MAT1A: variants seen among roughly 807,000 people sequenced by gnomAD.
MAT1A encodes methionine adenosyltransferase 1A, also known as S-adenosylmethionine synthase isoform type-1.
Under a neutral mutation model 44.0 loss-of-function variants are expected in MAT1A, and 19 were observed. The observed-to-expected ratio is 0.43, with a 90% CI of 0.30 to 0.63. The LOEUF (loss-of-function observed/expected upper bound fraction) is 0.63. MAT1A is among the 30% of genes least tolerant of loss of function. The probability of loss-of-function intolerance (pLI) is 0.12; values close to 1 mark genes in which losing one functional copy is unlikely to be tolerated. For missense variants in MAT1A, 397 were observed against 531.0 expected, an observed-to-expected ratio of 0.75 and a Z score of 2.48; for synonymous variants, 205 against 205.6, an observed-to-expected ratio of 1.00 and a Z score of 0.03.
intron 3 of MAT1A, among the ~76,000 whole-genome samples, chr10:80,281,927 G>A (rs1255187952): frequency 2.6e-5 from 4 of 151,958 alleles, no homozygotes; most frequent in African/African-American, 7.3e-5. Flanking sequence ...CAAACCCCAC[G>A]TCCACTCTCA....
chr10:80,280,145 G>A (rs1370099875), intron 5 of MAT1A, 28 bp downstream of exon 5: 4 of 1,613,462 alleles, frequency 2.5e-6, no homozygotes. Context: ...TCTGTCTAGG[G>A]CTCTCCTGGG....
In MAT1A at chr10:80,284,037, C is replaced by G; in HGVS notation, c.171G>C (p.Glu57Asp). ...KQDPNAKVAC[E>D]TVCKTGMVLL... ...GCACCATGCCGGTCTTGCACACTGT[C>G]TCTGAAAGGGAGCGGGGAGCGAGGA... The change falls in exon 3 of 9, where the codon GAG becomes GAC. Residue 57 changes from glutamate (E) to aspartate (D), a missense_variant and splice_region_variant. Glu to Asp is a conservative substitution (Grantham distance 45, BLOSUM62 2). Transcript: ENST00000372213. 6.2e-7 allele frequency: 1 copy of G among 1,614,128 alleles called. No individual in the cohort carries two copies. Among genetic ancestry groups the G allele is most frequent in the Non-Finnish European group, 8.5e-7 (1 of 1,179,998 alleles).
In MAT1A at chr10:80,273,319, G is replaced by A; in HGVS notation, c.*462C>T. 1 of 252,286 alleles carries A rather than the reference G, an allele frequency of 4.0e-6. No homozygotes were observed. The highest frequency in any genetic ancestry group is 9.9e-5 in the East Asian group (1 of 10,080). The allele number at this position is 252,286 out of a possible 1,614,324, so 15.6% of individuals were successfully genotyped here. ...CTGCCACATGCCTGGCCTGGGTGGG[G>A]CTTTCTGGAGACCCTGGCTCAGGGC... On this transcript the variant is annotated 3_prime_UTR_variant, in exon 9 of 9. Coordinates refer to ENST00000372213, the MANE Select transcript of MAT1A (RefSeq NM_000429.3).
intron 3 of MAT1A, among the ~76,000 whole-genome samples, chr10:80,281,998 G>A (rs1054513698): frequency 1.3e-5 from 2 of 152,060 alleles, no homozygotes; most frequent in African/African-American, 4.8e-5. Flanking sequence ...TTACCCCAGG[G>A]CACCTCATGT....
At chr10:80,287,532 A>G (rs1321631863) in intron 1 of MAT1A, among the ~76,000 whole-genome samples, 1 of 152,218 alleles carries the variant, frequency 6.6e-6, no homozygotes, top group African/African-American at 2.4e-5. Flanking sequence ...TTAAGTATAC[A>G]AAACAATCAA....
In MAT1A at chr10:80,285,517, G is replaced by T. The variant is rs118204002; in HGVS notation, c.164C>A (p.Ala55Asp). 7.4e-6 allele frequency: 12 copies of T among 1,613,738 alleles called. No individual in the cohort carries two copies. Among genetic ancestry groups the T allele is most frequent in the Non-Finnish European group, 1.0e-5 (12 of 1,179,814 alleles). Residue 55 changes from alanine to aspartate, a missense_variant, in exon 2 of 9, where the codon GCC (alanine) becomes GAC (aspartate). Transcript: ENST00000372213. ...HLKQDPNAKV[A>D]CETVCKTGMV... is the part of the protein sequence containing the mutation. The stretch of plus-strand genomic sequence containing the variant: ...AGGGATCGGGTGTTTCTTACCACAG[G>T]CCACCTTGGCATTGGGGTCTTGCTT...
At chr10:80,277,355 C>T (rs72809557) in intron 5 of MAT1A, among the ~76,000 whole-genome samples, 3,641 of 152,268 alleles carry the variant, frequency 0.024, 52 homozygotes, top group Non-Finnish European at 0.033. Flanking sequence ...AAACTCTCTA[C>T]CTCCCCAAGG....
At position 80,275,076 on chromosome 10, in the gene MAT1A, C is replaced by T. The variant is rs1220986869; in HGVS notation, c.892G>A (p.Ala298Thr). The change falls in exon 7 of 9, where the codon GCC becomes ACC. Residue 298 changes from alanine (A) to threonine (T), a missense_variant. Coordinates refer to ENST00000372213, the MANE Select transcript of MAT1A (RefSeq NM_000429.3). Reference protein sequence around the residue: ...TKVDRSAAYAARWVAKSLVKA... With the variant: ...TKVDRSAAYATRWVAKSLVKA... The stretch of plus-strand genomic sequence containing the variant: ...ACCAGAGACTTGGCCACCCAGCGGG[C>T]AGCATATGCAGCTGAGCGGTCTACC... 2 of 1,582,226 alleles carry T rather than the reference C, an allele frequency of 1.3e-6. No individual in the cohort carries two copies. Among genetic ancestry groups the T allele is most frequent in the Non-Finnish European group, 1.7e-6 (2 of 1,164,612 alleles).
At chr10:80,274,762 C>A in intron 7 of MAT1A, 109 bp from the exon 8 acceptor site, 2 of 1,447,154 alleles carry the variant, frequency 1.4e-6, no homozygotes, top group South Asian at 1.2e-5. Context: ...ATGCCTCTTG[C>A]CCCACATGCT....
chr10:80,288,533 C>G (rs1841678427), intron 1 of MAT1A, among the ~76,000 whole-genome samples: 1 of 152,216 alleles, frequency 6.6e-6, no homozygotes, highest in African/African-American at 2.4e-5. Context: ...ACATCACAGT[C>G]TACCTACTTT....
Position 80,285,690 on chromosome 10 carries a change from C to T in MAT1A, c.92-101G>A. 3.8e-6 allele frequency: 3 copies of T among 793,754 alleles called. No homozygotes were observed. In the South Asian group the frequency reaches 4.3e-5, roughly 11 times the overall value. The allele number at this position is 793,754 out of a possible 1,614,324, so 49.2% of individuals were successfully genotyped here. ...ATCGACTTTTCAGTTTACATATCAA[C>T]TTATCTACCAGAGGGAAAACACTTT... On this transcript the variant is annotated intron_variant, in intron 1 of 8. Coordinates refer to ENST00000372213, the MANE Select transcript of MAT1A (RefSeq NM_000429.3).
intron 7 of MAT1A, 145 bp downstream of exon 7, chr10:80,274,872 G>A (rs1841461912): frequency 1.6e-6 from 2 of 1,236,626 alleles, no homozygotes; most frequent in South Asian, 2.7e-5. Context: ...TCAGAGCCCT[G>A]GCCACAGTGC....
rs1350523443 is a variant in MAT1A, at chr10:80,272,814, C to A, written c.*967G>T. 1 of 152,272 alleles carries A rather than the reference C, an allele frequency of 6.6e-6. No individual in the cohort carries two copies. The highest frequency in any genetic ancestry group is 1.5e-5 in the Non-Finnish European group (1 of 68,062). 9.4% of individuals were successfully genotyped at this position (152,272 alleles called of 1,614,324 possible). On this transcript the variant is annotated 3_prime_UTR_variant, in exon 9 of 9. Transcript: ENST00000372213. ...GGTCAGTCCCTAACTCCAGCCTACC[C>A]TGATGGGCCAGGTAAGCCAACTCAC...
In MAT1A at chr10:80,273,761, A is replaced by G; in HGVS notation, c.*20T>C. On this transcript the variant is annotated 3_prime_UTR_variant, in exon 9 of 9. Transcript: ENST00000372213. ...CACCAGGTGCCTCCAGGGTGAGACC[A>G]GGCCCAGCTCCCCCTGGCTCTAAAA... The G allele has an allele frequency of 3.2e-6, 5 of 1,568,742 alleles. No homozygotes were observed. Among genetic ancestry groups the G allele is most frequent in the Non-Finnish European group, 4.4e-6 (5 of 1,140,170 alleles).
Position 80,277,045 on chromosome 10 carries a change from G to A in MAT1A, c.550-451C>T, listed in dbSNP as rs117138970. On this transcript the variant is annotated intron_variant, in intron 5 of 8. Transcript: ENST00000372213. ...ATGTCTTGGTCAAGATCACACAGTC[G>A]GAAGAGCTGGGATCTGACCTGGAGC... is the stretch of plus-strand genomic sequence containing the variant. Among the ~76,000 whole-genome samples, 579 of 152,320 alleles carry A rather than the reference G, an allele frequency of 3.8e-3. 3 individuals are homozygous for A. Among genetic ancestry groups the A allele is most frequent in the Non-Finnish European group, 6.1e-3 (415 of 68,026 alleles).
Position 80,289,517 on chromosome 10 carries a change from C to A in MAT1A, c.-94G>T. The A allele has an allele frequency of 1.9e-6, 1 of 517,026 alleles. No homozygotes were observed. 32.0% of individuals were successfully genotyped at this position (517,026 alleles called of 1,614,324 possible). A position where few individuals can be genotyped will look rare whatever the true frequency, so the allele number is the denominator to read the frequency against. ...TTTTTTCTTCTTCTTCTTCTTCTTT[C>A]AACCCAACAGGCTTGTCTTTGGCAG... On this transcript the variant is annotated 5_prime_UTR_variant, in exon 1 of 9. Transcript: ENST00000372213.
In MAT1A at chr10:80,273,970, G is replaced by GAA. The variant is rs1392174054; in HGVS notation, c.1086-89_1086-88dup. 4.5e-5 allele frequency: 42 copies of GAA among 941,586 alleles called. No individual in the cohort carries two copies. The Middle Eastern group carries it at 1.7e-3, about 37-fold the overall frequency. The allele number at this position is 941,586 out of a possible 1,614,324, so 58.3% of individuals were successfully genotyped here. A position where few individuals can be genotyped will look rare whatever the true frequency, so the allele number is the denominator to read the frequency against. On this transcript the variant is annotated intron_variant, in intron 8 of 8. Coordinates refer to ENST00000372213, the MANE Select transcript of MAT1A (RefSeq NM_000429.3). The stretch of plus-strand genomic sequence containing the variant: ...CATTTCAAGGACAGGAGGGAGCAAC[G>GAA]AACTGTAACACAGCCCTCCTCGCAT...
chr10:80,274,686 C>G, intron 7 of MAT1A, 33 bp from the exon 8 acceptor site: 1 of 1,613,718 alleles, frequency 6.2e-7, no homozygotes, highest in Non-Finnish European at 8.5e-7. Context: ...GGGATTGAAG[C>G]CTCTGTGTGG....
intron 2 of MAT1A, 76 bp from the exon 3 acceptor site, chr10:80,284,114 A>G: frequency 1.9e-6 from 3 of 1,566,574 alleles, no homozygotes; most frequent in Non-Finnish European, 2.6e-6. Flanking sequence ...CAGACCTCTC[A>G]CAGTGCAGAC....
Sources: gnomAD v4.1 joint callset for allele counts (sites outside exome capture counted in the v4.1 genomes callset) on GRCh38, gnomAD v4.1.1 for gene constraint, MANE v1.5 for transcripts, NCBI Gene and HGNC (gene_info 2026-07-23, HGNC 2026-07-21) for gene names.